The following MRAP2 variants were observed in gnomAD, a reference collection of about 807,000 sequenced individuals.
MRAP2 encodes the protein melanocortin-2 receptor accessory protein 2.
MRAP2 carries 20 observed loss-of-function variants against 17.4 expected under a neutral mutation model. The observed-to-expected ratio is 1.15, with a 90% confidence interval of 0.81 to 1.67. MRAP2 has a LOEUF of 1.67. Among genes scored for constraint, MRAP2 ranks in the 40% most tolerant of loss-of-function variants. The pLI, the probability that MRAP2 is intolerant of heterozygous loss-of-function variation, is 0.00. For synonymous variants in MRAP2, 96 were observed against 88.4 expected (o/e 1.09, Z -0.48); for missense variants, 238 against 240.0 (o/e 0.99, Z 0.05).
chr6:84,083,871 G>A (rs945382871), intron 3 of MRAP2, among the ~76,000 whole-genome samples: 6 of 152,058 alleles, frequency 3.9e-5, no homozygotes, highest in Non-Finnish European at 5.9e-5. Flanking sequence ...AGATTCTCTC[G>A]CTTTCGTCTG....
intron 1 of MRAP2, among the ~76,000 whole-genome samples, chr6:84,050,528 T>C (rs1178042940): frequency 1.3e-5 from 2 of 152,214 alleles, no homozygotes; most frequent in East Asian, 3.8e-4. Context: ...ATTAAGCTTC[T>C]AAAGTTGCGA....
intron 1 of MRAP2, among the ~76,000 whole-genome samples, chr6:84,034,420 C>G (rs187274281): frequency 6.6e-6 from 1 of 152,056 alleles, no homozygotes; most frequent in Admixed American, 6.5e-5. Flanking sequence ...GGAGCCTGCT[C>G]GCAGGTCGTG....
chr6:84,095,369 C>T (rs2099502492), downstream of MRAP2, among the ~76,000 whole-genome samples: 1 of 152,242 alleles, frequency 6.6e-6, no homozygotes, highest in Admixed American at 6.5e-5. Flanking sequence ...TTTTCCCCTG[C>T]TCACTTTACA....
At chr6:84,086,876 T>C (rs543983888) in intron 3 of MRAP2, among the ~76,000 whole-genome samples, 13 of 152,298 alleles carry the variant, frequency 8.5e-5, no homozygotes, top group African/African-American at 3.1e-4. Context: ...CATAGCTGTG[T>C]TATGGAAGAG....
chr6:84,077,521 T>A (rs538506964), intron 3 of MRAP2, among the ~76,000 whole-genome samples: 1 of 152,322 alleles, frequency 6.6e-6, no homozygotes, highest in East Asian at 1.9e-4. Context: ...ACCTGAAATC[T>A]TCCAATTCAC....
At chr6:84,137,812 C>T in the MRAP2 span, among the ~76,000 whole-genome samples, 1 of 152,044 alleles carries the variant, frequency 6.6e-6, no homozygotes, top group Non-Finnish European at 1.5e-5. Context: ...AATATTAAAA[C>T]TCTAGAGTCT....
In MRAP2 at chr6:84,035,385, T is replaced by TA. The variant is rs541178730; in HGVS notation, c.-8+1503dup. On this transcript the variant is annotated intron_variant, in intron 1 of 3. Transcript: ENST00000257776. ...ACCTAGGGAAGCATTTACAAATACT[T>TA]ACGCCAAACCAACTCCCTTCCCTTT... 4.2e-5 allele frequency: 41 copies of TA among 980,482 alleles called. No individual in the cohort carries two copies. In the East Asian group the frequency reaches 3.3e-3, roughly 79 times the overall value. The allele number at this position is 980,482 out of a possible 1,614,324, so 60.7% of individuals were successfully genotyped here. A position where few individuals can be genotyped will look rare whatever the true frequency, so the allele number is the denominator to read the frequency against.
downstream of MRAP2, among the ~76,000 whole-genome samples, chr6:84,095,041 C>A (rs186176837): frequency 6.5e-4 from 99 of 152,254 alleles, no homozygotes; most frequent in Non-Finnish European, 1.1e-3. Flanking sequence ...TGTTTTTTTA[C>A]AACAGCAATA....
chr6:84,132,362 T>C, the MRAP2 span, among the ~76,000 whole-genome samples: 2 of 152,232 alleles, frequency 1.3e-5, no homozygotes, highest in African/African-American at 4.8e-5. Flanking sequence ...TGGTGTTCTC[T>C]GTATTTCCTG....
the MRAP2 span, among the ~76,000 whole-genome samples, chr6:84,110,050 C>T: frequency 1.3e-4 from 20 of 152,212 alleles, no homozygotes; most frequent in African/African-American, 4.1e-4. Flanking sequence ...TGAACAGTGC[C>T]GCAATAAACA....
the MRAP2 span, among the ~76,000 whole-genome samples, chr6:84,115,270 G>A: frequency 6.6e-6 from 1 of 152,190 alleles, no homozygotes; most frequent in African/African-American, 2.4e-5. Flanking sequence ...GAGATGCCCT[G>A]CCCAGACAGG....
the MRAP2 span, among the ~76,000 whole-genome samples, chr6:84,108,417 C>T: frequency 1.3e-5 from 2 of 151,920 alleles, no homozygotes; most frequent in Non-Finnish European, 2.9e-5. Flanking sequence ...ATATGCATTT[C>T]TCTAATGATC....
At chr6:84,075,316 T>G (rs1276131914) in intron 3 of MRAP2, among the ~76,000 whole-genome samples, 1 of 152,166 alleles carries the variant, frequency 6.6e-6, no homozygotes, top group African/African-American at 2.4e-5. Context: ...AGGCAGGTAT[T>G]GGTGAGCACT....
intron 1 of MRAP2, among the ~76,000 whole-genome samples, chr6:84,038,447 G>T (rs1366322652): frequency 6.6e-6 from 1 of 152,162 alleles, no homozygotes. Context: ...TGTTTCCAAA[G>T]ATTAGACATT....
the MRAP2 span, among the ~76,000 whole-genome samples, chr6:84,130,322 T>C: frequency 6.6e-6 from 1 of 152,184 alleles, no homozygotes; most frequent in Non-Finnish European, 1.5e-5. Flanking sequence ...AATTTTCTTT[T>C]TTTGTTGTGT....
intron 1 of MRAP2, among the ~76,000 whole-genome samples, chr6:84,039,070 A>G (rs139019084): frequency 1.2e-4 from 18 of 152,312 alleles, no homozygotes; most frequent in Non-Finnish European, 2.4e-4. Context: ...TTAGAAAAGG[A>G]AAGAAAATGT....
At chr6:84,077,626 T>C (rs2099497941) in intron 3 of MRAP2, among the ~76,000 whole-genome samples, 1 of 152,256 alleles carries the variant, frequency 6.6e-6, no homozygotes, top group Non-Finnish European at 1.5e-5. Context: ...ACATTCTTGG[T>C]TAAATGTATT....
intron 1 of MRAP2, among the ~76,000 whole-genome samples, chr6:84,043,602 C>T (rs1206458360): frequency 1.4e-5 from 2 of 140,138 alleles, no homozygotes; most frequent in African/African-American, 2.7e-5. Context: ...GTTGTTTCTA[C>T]TGTCTATGTC....
At chr6:84,125,119 A>G in the MRAP2 span, 1 of 1,612,990 alleles carries the variant, frequency 6.2e-7, no homozygotes, top group African/African-American at 1.3e-5. Flanking sequence ...TGGCACAACC[A>G]CTCCTTGCCG....
Sources: gnomAD v4.1 joint callset for allele counts (sites outside exome capture counted in the v4.1 genomes callset) on GRCh38, gnomAD v4.1.1 for gene constraint, MANE v1.5 for transcripts, NCBI Gene and HGNC (gene_info 2026-07-23, HGNC 2026-07-21) for gene names.